Variants in ANKRD13C observed in about 807,000 individuals in gnomAD.
The protein encoded by ANKRD13C is ankyrin repeat domain 13C, also known as ankyrin repeat domain-containing protein 13C.
In ANKRD13C, 16 loss-of-function variants were observed where a neutral mutation model predicts 65.5. The observed-to-expected ratio is 0.24, with a 90% CI of 0.17 to 0.37. The LOEUF is 0.37. ANKRD13C is among the 10% of genes least tolerant of loss of function. The pLI is 1.00. For synonymous variants in ANKRD13C, 235 were observed against 238.7 expected, an observed-to-expected ratio of 0.98 and a Z score of 0.14; for missense variants, 503 against 655.9, an observed-to-expected ratio of 0.77 and a Z score of 2.55.
intron 7 of ANKRD13C, among the ~76,000 whole-genome samples, chr1:70,297,294 T>G (rs1464568639): frequency 7.0e-6 from 1 of 142,118 alleles, no homozygotes; most frequent in East Asian, 2.2e-4. Flanking sequence ...CTGATTTTTT[T>G]TTTTTTTTTT....
In ANKRD13C at chr1:70,260,534, C is replaced by T. The variant is rs1678352463; in HGVS notation, c.*2183G>A. The stretch of plus-strand genomic sequence containing the variant: ...GGTGTTTTGACTTATTCATTTGAAA[C>T]ACTGCATATAGCTTCATTCATTAAC... On this transcript the variant is annotated 3_prime_UTR_variant, in exon 13 of 13. Coordinates refer to ENST00000370944, the MANE Select transcript of ANKRD13C (RefSeq NM_030816.5). The T allele has an allele frequency of 6.6e-6, 1 of 152,066 alleles. No homozygotes were observed. Among genetic ancestry groups the T allele is most frequent in the African/African-American group, 2.4e-5 (1 of 41,422 alleles). 9.4% of individuals were successfully genotyped at this position (152,066 alleles called of 1,614,324 possible). A position where few individuals can be genotyped will look rare whatever the true frequency, so the allele number is the denominator to read the frequency against.
At chr1:70,301,832 T>C (rs1680368498) in intron 6 of ANKRD13C, among the ~76,000 whole-genome samples, 1 of 152,236 alleles carries the variant, frequency 6.6e-6, no homozygotes, top group African/African-American at 2.4e-5. Context: ...GTCTTGCACA[T>C]GGCTTTATAA....
rs149915829 is a variant in ANKRD13C, at chr1:70,282,603, T to C, written c.1216-5759A>G. On this transcript the variant is annotated intron_variant, in intron 9 of 12. Coordinates refer to ENST00000370944, the MANE Select transcript of ANKRD13C (RefSeq NM_030816.5). Reference sequence around the variant, plus strand: ...CAAATTTACAGTGGGAGATTATACATAATACTATGACATGTAGCAATGGCT... The same window carrying C: ...CAAATTTACAGTGGGAGATTATACACAATACTATGACATGTAGCAATGGCT... 1.8e-3 allele frequency among the ~76,000 whole-genome samples: 279 copies of C among 152,324 alleles called. 2 individuals are homozygous for C. Among genetic ancestry groups the C allele is most frequent in the African/African-American group, 6.6e-3 (273 of 41,580 alleles).
At chr1:70,300,643 T>A in intron 7 of ANKRD13C, 121 bp downstream of exon 7, 1 of 913,208 alleles carries the variant, frequency 1.1e-6, no homozygotes, top group Non-Finnish European at 1.5e-6. Flanking sequence ...AACTATAGCT[T>A]TAGGAACAAA....
intron 11 of ANKRD13C, among the ~76,000 whole-genome samples, chr1:70,274,473 C>CAAAAAAAAA (rs769480539): frequency 2.1e-4 from 8 of 38,592 alleles, no homozygotes; most frequent in African/African-American, 3.3e-4. Flanking sequence ...GACTCCATCT[C>CAAAAAAAAA]AAAAAAAAAA....
intron 12 of ANKRD13C, among the ~76,000 whole-genome samples, 158 bp downstream of exon 12, chr1:70,270,698 G>A (rs1264665983): frequency 6.6e-6 from 1 of 152,150 alleles, no homozygotes; most frequent in Non-Finnish European, 1.5e-5. Context: ...CTAGCCTGCC[G>A]CTCAGCTCAT....
intron 9 of ANKRD13C, 81 bp from the exon 10 acceptor site, chr1:70,276,925 C>G: frequency 9.1e-7 from 1 of 1,098,292 alleles, no homozygotes; most frequent in Non-Finnish European, 1.3e-6. Flanking sequence ...TAAAATACAT[C>G]GTAAACTATT....
At chr1:70,301,814 G>T (rs1324414471) in intron 6 of ANKRD13C, among the ~76,000 whole-genome samples, 2 of 152,154 alleles carry the variant, frequency 1.3e-5, no homozygotes, top group African/African-American at 4.8e-5. Flanking sequence ...ATACACTGAC[G>T]TGCTTCAGTC....
At chr1:70,290,662 C>T (rs939091322) in intron 9 of ANKRD13C, among the ~76,000 whole-genome samples, 2 of 152,006 alleles carry the variant, frequency 1.3e-5, no homozygotes, top group African/African-American at 2.4e-5. Context: ...CTGCCTCAGC[C>T]TCCCAAGTAG....
intron 3 of ANKRD13C, among the ~76,000 whole-genome samples, chr1:70,316,733 C>T (rs1270760836): frequency 6.6e-6 from 1 of 152,014 alleles, no homozygotes. Context: ...GTCTAAAATT[C>T]ACTGGCAAAA....
In ANKRD13C at chr1:70,292,403, C is replaced by T. The variant is rs775705933; in HGVS notation, c.1200G>A (p.Met400Ile). The T allele has an allele frequency of 1.2e-5, 19 of 1,578,900 alleles. No homozygotes were observed. In the South Asian group the frequency reaches 2.2e-4, roughly 18 times the overall value. The change falls in exon 9 of 13, where the codon ATG becomes ATA. Residue 400 changes from methionine to isoleucine, a missense_variant. By Grantham distance (10) the Met-to-Ile change is conservative (BLOSUM62 1). Coordinates refer to ENST00000370944, the MANE Select transcript of ANKRD13C (RefSeq NM_030816.5). ...AAAATTATACCTCAAAATTCTGTTC[C>T]ATTATGTTTCCACCTTTACTCAAAC... ...MESLSKGGNI[M>I]EQNFEPIRRQ...
intron 1 of ANKRD13C, among the ~76,000 whole-genome samples, chr1:70,340,696 G>A (rs1682269672): frequency 6.6e-6 from 1 of 152,140 alleles, no homozygotes; most frequent in Non-Finnish European, 1.5e-5. Flanking sequence ...AGTTTTGCTC[G>A]ATATATTTTG....
In ANKRD13C at chr1:70,344,295, C is replaced by CAAAAAA. The variant is rs1169730172; in HGVS notation, c.431-8202_431-8197dup. On this transcript the variant is annotated intron_variant, in intron 1 of 12. Transcript: ENST00000370944. ...TGGGCAACAGAGCAAGATTCCATCT[C>CAAAAAA]AAAAAAAAAAAAAAAAAATTAGCTG... 1.2e-3 allele frequency among the ~76,000 whole-genome samples: 100 copies of CAAAAAA among 85,650 alleles called. 2 individuals carry two copies. Among genetic ancestry groups the CAAAAAA allele is most frequent in the African/African-American group, 3.9e-3 (89 of 22,890 alleles). The allele number at this position is 85,650 out of a possible 152,430, so 56.2% of individuals were successfully genotyped here. A position where few individuals can be genotyped will look rare whatever the true frequency, so the allele number is the denominator to read the frequency against.
intron 1 of ANKRD13C, among the ~76,000 whole-genome samples, chr1:70,344,714 G>A (rs1682455116): frequency 6.6e-6 from 1 of 151,852 alleles, no homozygotes; most frequent in Non-Finnish European, 1.5e-5. Context: ...TCTTTTTACT[G>A]TATTAACAGT....
chr1:70,313,634 C>T, intron 5 of ANKRD13C, 111 bp downstream of exon 5: 1 of 769,384 alleles, frequency 1.3e-6, no homozygotes, highest in South Asian at 2.0e-5. Flanking sequence ...AATACTTTTC[C>T]TCACAGCAAG....
At chr1:70,297,539 GC>G (rs1213283235) in intron 7 of ANKRD13C, among the ~76,000 whole-genome samples, 1 of 147,748 alleles carries the variant, frequency 6.8e-6, no homozygotes, top group Non-Finnish European at 1.5e-5. Flanking sequence ...TGATCCGCCC[GC>G]CTCGGCCTCC....
rs1679154912 is a variant in ANKRD13C at position 70,276,799 on chromosome 1, T to TA, written c.1260dup (p.Thr421TyrfsTer9). 6.2e-7 allele frequency: 1 copy of TA among 1,603,922 alleles called. No homozygotes were observed. The highest frequency in any genetic ancestry group is 8.5e-7 in the Non-Finnish European group (1 of 1,177,610). On this transcript the variant is annotated frameshift_variant, in exon 10 of 13. Transcript: ENST00000370944. LOFTEE classifies it high-confidence loss of function. ...TCAGCAGATATATATTCTTCCCATG[T>TA]AATAGTGTTCTGAGGAGGAGGTGTA...
intron 9 of ANKRD13C, among the ~76,000 whole-genome samples, chr1:70,287,494 A>G (rs1403247233): frequency 6.6e-6 from 1 of 152,160 alleles, no homozygotes; most frequent in Non-Finnish European, 1.5e-5. Flanking sequence ...AAACTTTTAG[A>G]AAAAAACACA....
At position 70,260,328 on chromosome 1, in the gene ANKRD13C, T is replaced by C. The variant is rs1678346925; in HGVS notation, c.*2389A>G. 6.6e-6 allele frequency among the ~76,000 whole-genome samples: 1 copy of C among 152,168 alleles called. No individual in the cohort carries two copies. Among genetic ancestry groups the C allele is most frequent in the Non-Finnish European group, 1.5e-5 (1 of 67,988 alleles). ...TCAAAGATGGAAACCATATCTTCTC[T>C]GGATACCATACCAGTGGGCAAGAAT... is the stretch of plus-strand genomic sequence containing the variant. On this transcript the variant is annotated 3_prime_UTR_variant, in exon 13 of 13. Coordinates refer to ENST00000370944, the MANE Select transcript of ANKRD13C (RefSeq NM_030816.5).
Sources: gnomAD v4.1 joint callset for allele counts (sites outside exome capture counted in the v4.1 genomes callset) on GRCh38, gnomAD v4.1.1 for gene constraint, MANE v1.5 for transcripts, NCBI Gene and HGNC (gene_info 2026-07-23, HGNC 2026-07-21) for gene names.